KRABD3: variants seen among roughly 807,000 people sequenced by gnomAD.
The protein encoded by KRABD3 is KRAB domain-containing protein 3.
the KRABD3 span, among the ~76,000 whole-genome samples, chr7:149,727,996 C>T: frequency 6.6e-6 from 1 of 152,272 alleles, no homozygotes; most frequent in African/African-American, 2.4e-5. Flanking sequence ...AAGGGCTCTC[C>T]TCACTCTAGA....
the KRABD3 span, among the ~76,000 whole-genome samples, chr7:149,716,227 C>T: frequency 5.3e-5 from 8 of 152,214 alleles, no homozygotes; most frequent in Non-Finnish European, 7.3e-5. Flanking sequence ...GGGGCAGGTC[C>T]AGCAGGCACT....
At chr7:149,719,912 T>C in the KRABD3 span, 1 of 1,388,468 alleles carries the variant, frequency 7.2e-7, no homozygotes, top group Non-Finnish European at 9.5e-7. This position sits in a 1 kb window ranked among gnomAD's most constrained non-coding sequence, Gnocchi z 5.6. Flanking sequence ...GTCACATGAA[T>C]GTGCACAGAC....
chr7:149,717,809 C>T, the KRABD3 span, among the ~76,000 whole-genome samples: 1 of 152,164 alleles, frequency 6.6e-6, no homozygotes. Flanking sequence ...AACAAGGCTG[C>T]CGGTTAGTGG....
At chr7:149,733,228 C>G in the KRABD3 span, 1 of 1,606,726 alleles carries the variant, frequency 6.2e-7, no homozygotes, top group Non-Finnish European at 8.5e-7. Flanking sequence ...AGAGGCTGCT[C>G]CCCCAGGGCC....
At chr7:149,721,022 C>T in the KRABD3 span, 1 of 1,607,794 alleles carries the variant, frequency 6.2e-7, no homozygotes, top group Non-Finnish European at 8.5e-7. Flanking sequence ...TGCACGCAGC[C>T]TCCTCTGCAC....
At chr7:149,733,754 C>G in the KRABD3 span, 1 of 1,589,118 alleles carries the variant, frequency 6.3e-7, no homozygotes, top group Non-Finnish European at 8.6e-7. Context: ...TTCCCAGCAG[C>G]TGCTGTCCTC....
the KRABD3 span, chr7:149,719,433 T>G: frequency 0.07 from 77,103 of 1,109,314 alleles, 3,205 homozygotes; most frequent in South Asian, 0.13. This position sits in a 1 kb window ranked among gnomAD's most constrained non-coding sequence, Gnocchi z 5.6. Context: ...AGACCCTGGC[T>G]ATTATCCTGG....
the KRABD3 span, chr7:149,719,799 G>C: frequency 7.9e-7 from 1 of 1,273,198 alleles, no homozygotes; most frequent in Non-Finnish European, 1.1e-6. This position sits in a 1 kb window ranked among gnomAD's most constrained non-coding sequence, Gnocchi z 5.6. Flanking sequence ...CGTTCACGCT[G>C]CTGCTATTCT....
At chr7:149,715,544 T>C in the KRABD3 span, among the ~76,000 whole-genome samples, 9 of 152,102 alleles carry the variant, frequency 5.9e-5, 1 homozygote, top group Admixed American at 5.9e-4. Context: ...GGCTAGGTTG[T>C]GTGTGGGCTG....
chr7:149,722,162 A>G, the KRABD3 span: 1 of 516,950 alleles, frequency 1.9e-6, no homozygotes, highest in South Asian at 2.1e-5. Flanking sequence ...TGTGGCCTAC[A>G]TGTCAAGGCT....
the KRABD3 span, among the ~76,000 whole-genome samples, chr7:149,724,157 A>G: frequency 2.0e-5 from 3 of 152,166 alleles, no homozygotes; most frequent in Non-Finnish European, 2.9e-5. Flanking sequence ...AGATCAAGAA[A>G]TAGAGGATGG....
At chr7:149,729,888 T>G in the KRABD3 span, 4 of 985,278 alleles carry the variant, frequency 4.1e-6, no homozygotes, top group Non-Finnish European at 4.8e-6. Context: ...AGAACCTGAC[T>G]GCTAATGGCT....
At chr7:149,731,544 T>C in the KRABD3 span, 13 of 795,740 alleles carry the variant, frequency 1.6e-5, no homozygotes, top group South Asian at 5.1e-5. Flanking sequence ...ATGGGCCAAG[T>C]TTCCGTCTTC....
At chr7:149,726,269 T>G in the KRABD3 span, among the ~76,000 whole-genome samples, 1 of 152,138 alleles carries the variant, frequency 6.6e-6, no homozygotes, top group African/African-American at 2.4e-5. Context: ...TGACTTGTCT[T>G]AGAAGGGACA....
At chr7:149,734,149 C>A in the KRABD3 span, 2 of 1,422,758 alleles carry the variant, frequency 1.4e-6, no homozygotes, top group South Asian at 1.4e-5. Context: ...CAGAGGACGC[C>A]ATCTCCCTTA....
At chr7:149,723,008 A>G in the KRABD3 span, 91 of 1,376,546 alleles carry the variant, frequency 6.6e-5, no homozygotes, top group Admixed American at 2.4e-3. Context: ...TTGCATTTCA[A>G]CAGCGATTCC....
the KRABD3 span, chr7:149,721,430 C>T: frequency 6.2e-7 from 1 of 1,612,252 alleles, no homozygotes; most frequent in Non-Finnish European, 8.5e-7. Flanking sequence ...CAGCTGCCTT[C>T]CAGACGGCCC....
the KRABD3 span, chr7:149,723,664 C>T: frequency 7.3e-6 from 11 of 1,506,884 alleles, no homozygotes; most frequent in Non-Finnish European, 1.0e-5. Context: ...TAACTTGTCC[C>T]CTGTTTGTTG....
At chr7:149,721,765 C>T in the KRABD3 span, 88,427 of 685,176 alleles carry the variant, frequency 0.13, 6,225 homozygotes, top group Middle Eastern at 0.25. Flanking sequence ...CCTGTCATCC[C>T]GCCCCGATCA....
Sources: allele counts gnomAD v4.1 joint callset (sites outside exome capture counted in the v4.1 genomes callset), GRCh38; gene constraint gnomAD v4.1.1; non-coding constraint Gnocchi (gnomAD v3.1); transcripts MANE v1.5; gene names NCBI Gene and HGNC (gene_info 2026-07-23, HGNC 2026-07-21).